IFT88: variants seen among roughly 807,000 people sequenced by gnomAD.
IFT88 encodes intraflagellar transport 88, also known as intraflagellar transport protein 88 homolog.
In IFT88, 74 loss-of-function variants were observed where a neutral mutation model predicts 119.5. The observed-to-expected ratio is 0.62, with a 90% CI of 0.51 to 0.75. The LOEUF is 0.75. IFT88 is among the 30% of genes least tolerant of loss of function. The pLI, the probability that IFT88 is intolerant of heterozygous loss-of-function variation, is 0.00. For synonymous variants in IFT88, 279 were observed against 316.7 expected, an observed-to-expected ratio of 0.88 and a Z score of 1.26; for missense variants, 961 against 977.7, an observed-to-expected ratio of 0.98 and a Z score of 0.23.
At chr13:20,650,984 A>T (rs1460265383) in intron 20 of IFT88, among the ~76,000 whole-genome samples, 1 of 152,100 alleles carries the variant, frequency 6.6e-6, no homozygotes, top group Non-Finnish European at 1.5e-5. Flanking sequence ...TTTACCATAT[A>T]TATGAGGATT....
intron 22 of IFT88, among the ~76,000 whole-genome samples, chr13:20,658,172 C>T (rs2053177210): frequency 6.6e-6 from 1 of 151,790 alleles, no homozygotes; most frequent in Non-Finnish European, 1.5e-5. Context: ...TCTTGGCTCA[C>T]TGCAACCTCT....
At chr13:20,604,591 A>G (rs1334373026) in intron 12 of IFT88, among the ~76,000 whole-genome samples, 4 of 152,244 alleles carry the variant, frequency 2.6e-5, no homozygotes, top group South Asian at 2.1e-4. Flanking sequence ...TCTAATTTAC[A>G]TAAGGGAAAA....
chr13:20,596,225 TG>T lies in IFT88; in HGVS notation c.476del (p.Gly159GlufsTer3). Reference protein sequence around the residue: ...VEESCIANSCGDLKLALEKAK... With the variant: ...VEESCIANSCXDLKLALEKAK... ...AAGAAAGCTGTATTGCCAATAGTTG[TG>T]GAGACTTAAAATTGGTAAGTTCATA... On this transcript the variant is annotated frameshift_variant, in exon 8 of 26. Transcript: ENST00000351808. LOFTEE classifies it high-confidence loss of function. 2 of 1,516,732 alleles carry T rather than the reference TG, an allele frequency of 1.3e-6. No individual in the cohort carries two copies. Among genetic ancestry groups the T allele is most frequent in the Non-Finnish European group, 9.0e-7 (1 of 1,108,754 alleles). 94.0% of individuals were successfully genotyped at this position (1,516,732 alleles called of 1,614,324 possible).
At chr13:20,685,661 C>G (rs980949103) in intron 24 of IFT88, among the ~76,000 whole-genome samples, 2 of 152,146 alleles carry the variant, frequency 1.3e-5, no homozygotes, top group Non-Finnish European at 2.9e-5. Context: ...ACTTGGATCA[C>G]TTAAGGTCAA....
At chr13:20,584,533 G>A (rs1044101135) in intron 3 of IFT88, among the ~76,000 whole-genome samples, 9 of 151,898 alleles carry the variant, frequency 5.9e-5, no homozygotes, top group Admixed American at 4.6e-4. Context: ...ACCCTTCCTT[G>A]TATTAATATT....
intron 3 of IFT88, 46 bp downstream of exon 3, chr13:20,583,065 C>A: frequency 8.5e-7 from 1 of 1,175,006 alleles, no homozygotes; most frequent in Non-Finnish European, 1.3e-6. Flanking sequence ...AAATACATAA[C>A]ATGAAATTTA....
At chr13:20,690,161 A>G (rs1359655587) in intron 24 of IFT88, among the ~76,000 whole-genome samples, 2 of 152,216 alleles carry the variant, frequency 1.3e-5, no homozygotes, top group Admixed American at 6.5e-5. Context: ...TTATCAGTGG[A>G]CTACTCTCAT....
intron 23 of IFT88, among the ~76,000 whole-genome samples, chr13:20,666,644 T>G (rs2054737910): frequency 6.6e-6 from 1 of 152,264 alleles, no homozygotes; most frequent in African/African-American, 2.4e-5. Flanking sequence ...TTGTGGCTAC[T>G]TTGCTCCTCT....
intron 15 of IFT88, among the ~76,000 whole-genome samples, chr13:20,626,701 C>T (rs2047390659): frequency 6.6e-6 from 1 of 152,156 alleles, no homozygotes; most frequent in Non-Finnish European, 1.5e-5. Context: ...AGAGTGGGTG[C>T]TCCCCCTTCA....
intron 2 of IFT88, among the ~76,000 whole-genome samples, chr13:20,581,741 T>C (rs2038701209): frequency 6.6e-6 from 1 of 151,368 alleles, no homozygotes; most frequent in African/African-American, 2.4e-5. Context: ...TAGTCCCAGC[T>C]CCTAGGGAGA....
At position 20,574,391 on chromosome 13, in the gene IFT88, G is replaced by A; in HGVS notation, c.6G>A (p.Met2Ile). 2 of 1,607,820 alleles carry A rather than the reference G, an allele frequency of 1.2e-6. No individual in the cohort carries two copies. The highest frequency in any genetic ancestry group is 1.7e-6 in the Non-Finnish European group (2 of 1,175,592). Residue 2 changes from methionine to isoleucine, a missense_variant, in exon 2 of 26, where the codon ATG becomes ATA. By Grantham distance (10) the Met-to-Ile change is conservative. Transcript: ENST00000351808. M[M>I]QNVHLAPETD... The stretch of plus-strand genomic sequence containing the variant: ...CCAGTTTTTCCTAGGTACAAATGAT[G>A]CAAAATGTGCACCTGGCTCCAGAGA...
intron 5 of IFT88, 61 bp from the exon 6 acceptor site, chr13:20,591,557 C>A: frequency 7.8e-7 from 1 of 1,287,746 alleles, no homozygotes; most frequent in Non-Finnish European, 1.1e-6. Flanking sequence ...GTGTAATGTG[C>A]AGAACTGTAC....
intron 7 of IFT88, among the ~76,000 whole-genome samples, chr13:20,593,642 A>T (rs915462599): frequency 1.3e-5 from 2 of 151,884 alleles, no homozygotes; most frequent in Admixed American, 6.6e-5. Context: ...AAATCATGTT[A>T]TTTTTTATCT....
At chr13:20,599,826 A>C (rs1181537603) in intron 11 of IFT88, among the ~76,000 whole-genome samples, 3 of 152,160 alleles carry the variant, frequency 2.0e-5, no homozygotes, top group Non-Finnish European at 4.4e-5. Flanking sequence ...GGCCATTACT[A>C]CCCTGATATA....
At chr13:20,597,418 T>C (rs1184243791) in intron 9 of IFT88, among the ~76,000 whole-genome samples, 1 of 152,140 alleles carries the variant, frequency 6.6e-6, no homozygotes, top group Admixed American at 6.6e-5. Context: ...GCGACCAGCC[T>C]GGGCAACATA....
intron 13 of IFT88, 130 bp downstream of exon 13, chr13:20,605,235 G>T: frequency 2.4e-6 from 1 of 424,770 alleles, no homozygotes; most frequent in East Asian, 4.1e-5. Flanking sequence ...GGTTGAATGT[G>T]CATTCTGTTT....
chr13:20,652,649 A>G (rs2051973030), intron 20 of IFT88, among the ~76,000 whole-genome samples: 1 of 152,140 alleles, frequency 6.6e-6, no homozygotes, highest in Non-Finnish European at 1.5e-5. Flanking sequence ...ATATGATTGT[A>G]TTCATTTAAA....
intron 13 of IFT88, chr13:20,607,746 CTT>C: frequency 2.7e-6 from 2 of 753,702 alleles, no homozygotes; most frequent in Middle Eastern, 2.8e-4. Flanking sequence ...GCTTCTGTAA[CTT>C]TGCCTAGAAT....
chr13:20,629,212 CTTAT>C (rs1456054478), intron 15 of IFT88, among the ~76,000 whole-genome samples: 1 of 152,084 alleles, frequency 6.6e-6, no homozygotes, highest in East Asian at 1.9e-4. Context: ...TATCTCAATT[CTTAT>C]TTAAAGTGAA....
Sources: gnomAD v4.1 joint callset for allele counts (sites outside exome capture counted in the v4.1 genomes callset) on GRCh38, gnomAD v4.1.1 for gene constraint, MANE v1.5 for transcripts, NCBI Gene and HGNC (gene_info 2026-07-23, HGNC 2026-07-21) for gene names.